The following DLGAP2 variants were observed in gnomAD, a reference collection of about 807,000 sequenced individuals.
DLGAP2 encodes DLG associated protein 2.
Under a neutral mutation model 100.3 loss-of-function variants are expected in DLGAP2, and 26 were observed. That is an observed-to-expected ratio of 0.26 (90% CI 0.19 to 0.36). DLGAP2 has a LOEUF of 0.36. Among genes scored for constraint, DLGAP2 ranks in the 10% least tolerant of loss-of-function variants. The pLI, the probability that DLGAP2 is intolerant of heterozygous loss-of-function variation, is 1.00. For missense variants in DLGAP2, 1,858 were observed against 1,453.2 expected (o/e 1.28, Z -4.53); for synonymous variants, 886 against 630.1 (o/e 1.41, Z -6.08).
intron 3 of DLGAP2, among the ~76,000 whole-genome samples, chr8:1,460,340 C>G (rs981544642): frequency 3.3e-5 from 5 of 152,224 alleles, no homozygotes; most frequent in Admixed American, 6.5e-5. Flanking sequence ...AAACCACGGG[C>G]TCTGATGTTG....
At chr8:1,244,888 A>G (rs1798871165) in intron 2 of DLGAP2, among the ~76,000 whole-genome samples, 3 of 152,226 alleles carry the variant, frequency 2.0e-5, no homozygotes, top group Admixed American at 2.0e-4. Context: ...ATGTGTAAAA[A>G]AGGTTTCTAT....
At chr8:1,144,072 A>G (rs995924005) in intron 2 of DLGAP2, among the ~76,000 whole-genome samples, 9 of 152,216 alleles carry the variant, frequency 5.9e-5, no homozygotes, top group Non-Finnish European at 1.2e-4. Flanking sequence ...CCTCCATTGC[A>G]TACCTTTCCC....
intron 3 of DLGAP2, among the ~76,000 whole-genome samples, chr8:1,316,383 A>C (rs71516178): frequency 4.4e-4 from 47 of 105,970 alleles, no homozygotes; most frequent in East Asian, 1.2e-3. Context: ...ACACTCGAGA[A>C]ACTTGGCAGC....
rs28503335 is a variant in DLGAP2, at chr8:1,216,961, T to G, written c.74-41890T>G. On this transcript the variant is annotated intron_variant, in intron 2 of 14. Coordinates refer to ENST00000637795, the MANE Select transcript of DLGAP2 (RefSeq NM_001346810.2). ...AGGATGATGTTGCTGCTTGGTTTTT[T>G]CTTCAACTTTTACCTTAGGTTTGGG... is the stretch of plus-strand genomic sequence containing the variant. Among the ~76,000 whole-genome samples, 8 of 152,176 alleles carry G rather than the reference T, an allele frequency of 5.3e-5. No homozygotes were observed. In the East Asian group the frequency reaches 1.4e-3, roughly 26 times the overall value.
chr8:1,311,667 G>T (rs1056052435), intron 3 of DLGAP2, among the ~76,000 whole-genome samples: 3 of 151,134 alleles, frequency 2.0e-5, no homozygotes, highest in East Asian at 3.9e-4. Context: ...GTTGACACAC[G>T]AAAGGTGTCT....
At chr8:1,051,904 A>G (rs1802724724) in intron 2 of DLGAP2, among the ~76,000 whole-genome samples, 1 of 152,114 alleles carries the variant, frequency 6.6e-6, no homozygotes, top group Non-Finnish European at 1.5e-5. Context: ...CATGCCATGG[A>G]TTCATGAGAG....
At chr8:1,290,998 A>G (rs567636041) in intron 3 of DLGAP2, among the ~76,000 whole-genome samples, 1 of 152,328 alleles carries the variant, frequency 6.6e-6, no homozygotes, top group Admixed American at 6.5e-5. Context: ...GACCAGCCCT[A>G]CAAGTAATAC....
At chr8:1,638,723 G>A (rs1797828039) in intron 8 of DLGAP2, among the ~76,000 whole-genome samples, 1 of 152,174 alleles carries the variant, frequency 6.6e-6, no homozygotes, top group Non-Finnish European at 1.5e-5. Flanking sequence ...CGTGGATGAG[G>A]CCCAGAAAGC....
At chr8:1,109,991 T>A (rs1804895312) in intron 2 of DLGAP2, among the ~76,000 whole-genome samples, 6 of 121,688 alleles carry the variant, frequency 4.9e-5, no homozygotes, top group South Asian at 3.2e-4. Context: ...CTGTGAGGTG[T>A]GCATGGGTCT....
At chr8:1,674,215 T>C (rs554932618) in intron 10 of DLGAP2, among the ~76,000 whole-genome samples, 29 of 152,232 alleles carry the variant, frequency 1.9e-4, no homozygotes, top group African/African-American at 7.0e-4. Flanking sequence ...ACTCAGCTAA[T>C]TTCTTTTTTT....
At chr8:1,570,472 A>G (rs929211725) in intron 6 of DLGAP2, among the ~76,000 whole-genome samples, 1 of 152,254 alleles carries the variant, frequency 6.6e-6, no homozygotes, top group African/African-American at 2.4e-5. Context: ...CTCCTAATCC[A>G]ATTCCTCATT....
rs35210879 is a variant in DLGAP2, at chr8:1,683,834, C to CTATATATATATATATATATATATA, written c.2704+5228_2704+5229insATATATATATATATATATATATAT. Among the ~76,000 whole-genome samples the CTATATATATATATATATATATATA allele has an allele frequency of 2.7e-4, 15 of 56,124 alleles. 1 individual carries two copies. Among genetic ancestry groups the CTATATATATATATATATATATATA allele is most frequent in the South Asian group, 1.7e-3 (2 of 1,156 alleles). The allele number at this position is 56,124 out of a possible 152,430, so 36.8% of individuals were successfully genotyped here. A position where few individuals can be genotyped will look rare whatever the true frequency, so the allele number is the denominator to read the frequency against. ...CCTGATTTTCCTTGTCTTTGCTCCA[C>CTATATATATATATATATATATATA]TATATATATATATATATATATATGT... On this transcript the variant is annotated intron_variant, in intron 12 of 14. Coordinates refer to ENST00000637795, the MANE Select transcript of DLGAP2 (RefSeq NM_001346810.2).
intron 3 of DLGAP2, among the ~76,000 whole-genome samples, chr8:1,376,482 A>C (rs1467613205): frequency 1.3e-5 from 2 of 152,186 alleles, no homozygotes; most frequent in Non-Finnish European, 2.9e-5. Flanking sequence ...GCGCTTCAGA[A>C]CTCAGAGCTC....
intron 3 of DLGAP2, among the ~76,000 whole-genome samples, chr8:1,492,656 T>C (rs1271014949): frequency 6.6e-6 from 1 of 152,190 alleles, no homozygotes; most frequent in African/African-American, 2.4e-5. Context: ...GCACGTGACC[T>C]GACCCCTCCT....
Position 1,548,633 on chromosome 8 carries a change from G to C in DLGAP2, c.180G>C (p.Gln60His). 1 of 1,537,582 alleles carries C rather than the reference G, an allele frequency of 6.5e-7. No homozygotes were observed. Among genetic ancestry groups the C allele is most frequent in the Non-Finnish European group, 8.7e-7 (1 of 1,143,472 alleles). Residue 60 changes from glutamine (Q) to histidine (H), a missense_variant, in exon 5 of 15, where the codon CAG becomes CAC. Transcript: ENST00000637795. Reference protein sequence around the residue: ...PGPAEEDLDPQYSWSPTQHFN... With the variant: ...PGPAEEDLDPHYSWSPTQHFN... ...GTTTCTGTTTCCCCACAGACCCGCA[G>C]TACTCATGGTCGCCCACGCAGCACT...
chr8:974,764 T>G (rs1284925688), intron 2 of DLGAP2, among the ~76,000 whole-genome samples: 5 of 152,196 alleles, frequency 3.3e-5, no homozygotes, highest in Admixed American at 3.3e-4. Flanking sequence ...TAAAAGGAAA[T>G]GTATTTACCA....
chr8:1,682,306 C>T (rs1221997747), intron 12 of DLGAP2, among the ~76,000 whole-genome samples: 1 of 152,172 alleles, frequency 6.6e-6, no homozygotes, highest in African/African-American at 2.4e-5. Flanking sequence ...AAAGTCCCTA[C>T]AAAGGGCTTT....
At chr8:952,687 A>G (rs1799509585) in intron 2 of DLGAP2, among the ~76,000 whole-genome samples, 1 of 152,208 alleles carries the variant, frequency 6.6e-6, no homozygotes, top group Non-Finnish European at 1.5e-5. Context: ...TATTAATAAA[A>G]GAAACAGGTA....
chr8:1,433,720 C>G (rs1199160747), intron 3 of DLGAP2, among the ~76,000 whole-genome samples: 1 of 143,278 alleles, frequency 7.0e-6, no homozygotes, highest in Non-Finnish European at 1.5e-5. Flanking sequence ...GATAAATACA[C>G]AGATGAGGCA....
Sources: gnomAD v4.1 joint callset for allele counts (sites outside exome capture counted in the v4.1 genomes callset) on GRCh38, gnomAD v4.1.1 for gene constraint, MANE v1.5 for transcripts, NCBI Gene and HGNC (gene_info 2026-07-23, HGNC 2026-07-21) for gene names.